Variants in AVL9 observed in about 807,000 individuals in gnomAD.
AVL9 encodes AVL9 cell migration associated.
Under a neutral mutation model 79.2 loss-of-function variants are expected in AVL9, and 49 were observed. That is an observed-to-expected ratio of 0.62 (90% confidence interval 0.49 to 0.79). The LOEUF (loss-of-function observed/expected upper bound fraction) is 0.79, where lower values mean the gene tolerates loss of function less well. AVL9 is among the 30% of genes least tolerant of loss of function. The pLI is 0.00. For missense variants in AVL9, 682 were observed against 776.8 expected (o/e 0.88, Z 1.45); for synonymous variants, 299 against 280.6 (o/e 1.07, Z -0.65).
chr7:32,503,898 G>T (rs1787297846), intron 1 of AVL9, among the ~76,000 whole-genome samples: 1 of 152,068 alleles, frequency 6.6e-6, no homozygotes, highest in African/African-American at 2.4e-5. Context: ...GGCCAGGCAG[G>T]TCTCAAACTC....
intron 13 of AVL9, among the ~76,000 whole-genome samples, chr7:32,576,631 A>G (rs1331571569): frequency 6.6e-6 from 1 of 152,054 alleles, no homozygotes; most frequent in Non-Finnish European, 1.5e-5. Context: ...AAAAATACAA[A>G]AAAAATTAGC....
intron 1 of AVL9, chr7:32,537,229 G>T (rs960270333): frequency 6.6e-6 from 1 of 152,050 alleles, no homozygotes; most frequent in African/African-American, 2.4e-5. Flanking sequence ...ATTGATTGGG[G>T]CTTATTATGA....
Position 32,544,720 on chromosome 7 carries a change from A to AGAAATG in AVL9, c.250_255dup (p.Asn84_Gly85dup). ...TACTGTGTTTTTTCACTTGCCACCC[A>AGAAATG]GAAATGGAAATGGAGCCACAGTATT... On this transcript the variant is annotated inframe_insertion, in exon 3 of 16. Coordinates refer to ENST00000318709, the MANE Select transcript of AVL9 (RefSeq NM_015060.3). The AGAAATG allele has an allele frequency of 1.2e-6, 2 of 1,613,896 alleles. No homozygotes were observed. Among genetic ancestry groups the AGAAATG allele is most frequent in the Non-Finnish European group, 1.7e-6 (2 of 1,179,878 alleles).
At chr7:32,582,206 G>GC (rs1192066650) in intron 15 of AVL9, among the ~76,000 whole-genome samples, 1 of 152,082 alleles carries the variant, frequency 6.6e-6, no homozygotes, top group African/African-American at 2.4e-5. Flanking sequence ...TTTACATTTT[G>GC]CCCCATCTGC....
chr7:32,529,720 G>A (rs908204159), intron 1 of AVL9, among the ~76,000 whole-genome samples: 1 of 152,178 alleles, frequency 6.6e-6, no homozygotes, highest in Non-Finnish European at 1.5e-5. Context: ...AAATTGAGGT[G>A]TAACTTATAA....
chr7:32,499,141 C>T (rs183558042), intron 1 of AVL9, among the ~76,000 whole-genome samples: 36 of 151,956 alleles, frequency 2.4e-4, no homozygotes, highest in Middle Eastern at 3.4e-3. Flanking sequence ...CCAGCCTGGG[C>T]GACAATGAGT....
At chr7:32,579,145 G>T (rs1406101628) in intron 13 of AVL9, among the ~76,000 whole-genome samples, 1 of 149,144 alleles carries the variant, frequency 6.7e-6, no homozygotes, top group Non-Finnish European at 1.5e-5. Flanking sequence ...TTTTACTAGG[G>T]TCACTTTCTT....
chr7:32,576,642 C>T (rs1430838039), intron 13 of AVL9, among the ~76,000 whole-genome samples: 1 of 152,002 alleles, frequency 6.6e-6, no homozygotes. Context: ...AAAAATTAGC[C>T]AGACGTGGTA....
chr7:32,553,254 A>G (rs1279065936), intron 6 of AVL9, among the ~76,000 whole-genome samples: 1 of 152,364 alleles, frequency 6.6e-6, no homozygotes, highest in East Asian at 1.9e-4. Flanking sequence ...ATGAAGTGCC[A>G]TGACCAAAAA....
intron 1 of AVL9, among the ~76,000 whole-genome samples, chr7:32,519,739 C>T (rs548466999): frequency 1.3e-5 from 2 of 152,268 alleles, no homozygotes; most frequent in Middle Eastern, 6.8e-3. Flanking sequence ...GAAAATTATA[C>T]TGTATTAGTT....
intron 1 of AVL9, among the ~76,000 whole-genome samples, chr7:32,520,113 A>G (rs1471373339): frequency 2.0e-5 from 3 of 152,214 alleles, no homozygotes; most frequent in Admixed American, 1.3e-4. Flanking sequence ...GTGCGAAACC[A>G]TATCATTCAC....
chr7:32,574,523 C>T (rs1469118897), intron 12 of AVL9, among the ~76,000 whole-genome samples: 1 of 151,806 alleles, frequency 6.6e-6, no homozygotes, highest in Non-Finnish European at 1.5e-5. Context: ...AATTAATTTG[C>T]TTTTTTAAAA....
intron 1 of AVL9, among the ~76,000 whole-genome samples, chr7:32,539,428 T>C (rs1238013825): frequency 6.8e-6 from 1 of 146,842 alleles, no homozygotes; most frequent in African/African-American, 2.5e-5. Context: ...TACTGGGACA[T>C]TTCCATAAGT....
chr7:32,578,754 C>G (rs1030880490), intron 13 of AVL9, among the ~76,000 whole-genome samples: 5 of 152,152 alleles, frequency 3.3e-5, no homozygotes, highest in Non-Finnish European at 5.9e-5. Context: ...TTGCAGTGAG[C>G]TGAGATTGCG....
At chr7:32,503,355 T>TAG (rs1191292912) in intron 1 of AVL9, among the ~76,000 whole-genome samples, 17 of 26,626 alleles carry the variant, frequency 6.4e-4, no homozygotes, top group African/African-American at 1.4e-3. Context: ...GATATAGATA[T>TAG]AGAGAGATAT....
At chr7:32,498,237 A>ATTTTT (rs10547851) in intron 1 of AVL9, among the ~76,000 whole-genome samples, 37 of 89,820 alleles carry the variant, frequency 4.1e-4, no homozygotes, top group East Asian at 1.1e-3. Context: ...AAGTCCTCAG[A>ATTTTT]TTTTTTTTTT....
intron 1 of AVL9, among the ~76,000 whole-genome samples, chr7:32,522,601 T>TCTCA (rs2128124502): frequency 1.3e-5 from 2 of 152,264 alleles, no homozygotes; most frequent in East Asian, 3.9e-4. Flanking sequence ...ACTTGCCTTG[T>TCTCA]CTCAGATGAA....
chr7:32,552,123 GAACA>G (rs1419504540), intron 5 of AVL9, 102 bp from the exon 6 acceptor site: 7 of 712,338 alleles, frequency 9.8e-6, no homozygotes, highest in Non-Finnish European at 2.4e-6. Flanking sequence ...GCGCCTAGCA[GAACA>G]AACTACCTCA....
At chr7:32,558,474 A>C in intron 8 of AVL9, 85 bp from the exon 9 acceptor site, 1 of 1,070,360 alleles carries the variant, frequency 9.3e-7, no homozygotes, top group Non-Finnish European at 1.4e-6. Context: ...TTCTTATATA[A>C]GGAATTTTTC....
Sources: gnomAD v4.1 joint callset for allele counts (sites outside exome capture counted in the v4.1 genomes callset) on GRCh38, gnomAD v4.1.1 for gene constraint, MANE v1.5 for transcripts, NCBI Gene and HGNC (gene_info 2026-07-23, HGNC 2026-07-21) for gene names.